Variants in DDX6 observed in about 807,000 individuals in gnomAD.
DDX6 encodes DEAD-box helicase 6, also known as probable ATP-dependent RNA helicase DDX6.
Under a neutral mutation model 60.6 loss-of-function variants are expected in DDX6, and 7 were observed. The observed-to-expected ratio is 0.12, with a 90% CI of 0.07 to 0.22. DDX6 has a LOEUF of 0.22. Among genes scored for constraint, DDX6 ranks in the 10% least tolerant of loss-of-function variants. The pLI, the probability that DDX6 is intolerant of heterozygous loss-of-function variation, is 1.00. For missense variants in DDX6, 270 were observed against 589.9 expected (o/e 0.46, Z 5.62); for synonymous variants, 207 against 201.0 (o/e 1.03, Z -0.25).
intron 1 of DDX6, chr11:118,786,904 C>T (rs887667775): frequency 3.3e-5 from 5 of 152,178 alleles, no homozygotes; most frequent in African/African-American, 1.2e-4. Context: ...AAGTATCACA[C>T]AATTTAAACA....
chr11:118,762,136 G>A (rs1394781275), intron 7 of DDX6, among the ~76,000 whole-genome samples: 2 of 151,588 alleles, frequency 1.3e-5, no homozygotes, highest in Admixed American at 6.6e-5. Context: ...TTAGCTGAGC[G>A]TGGGTGGTAC....
intron 7 of DDX6, among the ~76,000 whole-genome samples, chr11:118,761,267 C>T (rs898852840): frequency 7.2e-5 from 11 of 152,178 alleles, no homozygotes; most frequent in African/African-American, 2.7e-4. Flanking sequence ...AATTGTAAAA[C>T]TATTAAAATT....
intron 8 of DDX6, 49 bp downstream of exon 8, chr11:118,759,873 C>G: frequency 6.4e-7 from 1 of 1,570,386 alleles, no homozygotes; most frequent in Non-Finnish European, 8.6e-7. Context: ...TAAAAGCATA[C>G]TCAAAGGTCA....
Position 118,768,373 on chromosome 11 carries a change from C to A in DDX6, c.370-21G>T, listed in dbSNP as rs556754039. The A allele has an allele frequency of 1.5e-5, 24 of 1,610,164 alleles. No homozygotes were observed. In the African/African-American group the frequency reaches 2.8e-4, roughly 19 times the overall value. On this transcript the variant is annotated intron_variant, in intron 4 of 13. Coordinates refer to ENST00000534980, the MANE Select transcript of DDX6 (RefSeq NM_004397.6). ...TCCTCCTAAAAGAGATAAGACAATACAAAATTACTTCTGAATGTAGTACAC... is the reference window on the plus strand; with the variant it reads ...TCCTCCTAAAAGAGATAAGACAATAAAAAATTACTTCTGAATGTAGTACAC...
At chr11:118,773,047 C>A (rs1861586884) in intron 4 of DDX6, among the ~76,000 whole-genome samples, 1 of 152,180 alleles carries the variant, frequency 6.6e-6, no homozygotes, top group African/African-American at 2.4e-5. Flanking sequence ...CCTTCTCAAT[C>A]TTGTGAATTC....
rs932048029 is a variant in DDX6, at chr11:118,749,957, G to A, written c.*2148C>T. ...CAGTTCTTGCTACAGTTGTTAAGGA[G>A]TTAGGGCTATGTCCCATCAGGAGGC... On this transcript the variant is annotated 3_prime_UTR_variant, in exon 14 of 14. Transcript: ENST00000534980. The A allele has an allele frequency of 6.6e-6, 1 of 152,582 alleles. No homozygotes were observed. The highest frequency in any genetic ancestry group is 6.5e-5 in the Admixed American group (1 of 15,276). The allele number at this position is 152,582 out of a possible 1,614,324, so 9.5% of individuals were successfully genotyped here.
At chr11:118,787,659 A>G (rs1862121910) in intron 1 of DDX6, 1 of 152,190 alleles carries the variant, frequency 6.6e-6, no homozygotes, top group East Asian at 1.9e-4. Context: ...AACTTTAAGA[A>G]GAAAAATGTA....
At chr11:118,771,567 T>G (rs1861535937) in intron 4 of DDX6, among the ~76,000 whole-genome samples, 1 of 152,162 alleles carries the variant, frequency 6.6e-6, no homozygotes, top group Non-Finnish European at 1.5e-5. Flanking sequence ...TCAAGTCAAG[T>G]TCAAAAAGCT....
rs1276508733 is a variant in DDX6, at chr11:118,764,835, C to CACACACACACACACACAG, written c.646+373_646+374insCTGTGTGTGTGTGTGTGT. Among the ~76,000 whole-genome samples the CACACACACACACACACAG allele has an allele frequency of 4.3e-3, 652 of 150,422 alleles. 2 individuals are homozygous for CACACACACACACACACAG. Among genetic ancestry groups the CACACACACACACACACAG allele is most frequent in the African/African-American group, 0.015 (626 of 40,692 alleles). ...AAAAAAAAATATACACACACACACA[C>CACACACACACACACACAG]ACATTATATATACATTTATAATTTT... is the stretch of plus-strand genomic sequence containing the variant. On this transcript the variant is annotated intron_variant, in intron 6 of 13. Coordinates refer to ENST00000534980, the MANE Select transcript of DDX6 (RefSeq NM_004397.6).
intron 13 of DDX6, among the ~76,000 whole-genome samples, chr11:118,753,743 A>G (rs147950392): frequency 5.1e-4 from 77 of 152,290 alleles, no homozygotes; most frequent in African/African-American, 1.7e-3. Flanking sequence ...ACTTACTAGA[A>G]ATTAAGAGTA....
At chr11:118,767,448 CTA>C (rs1555161456) in intron 5 of DDX6, among the ~76,000 whole-genome samples, 1 of 152,078 alleles carries the variant, frequency 6.6e-6, no homozygotes, top group African/African-American at 2.4e-5. Context: ...TTGAATATAA[CTA>C]TGAAAATTTT....
chr11:118,765,050 T>C (rs1555161027), intron 6 of DDX6, among the ~76,000 whole-genome samples, 159 bp downstream of exon 6: 1 of 152,222 alleles, frequency 6.6e-6, no homozygotes, highest in African/African-American at 2.4e-5. Context: ...TTTTCAATTA[T>C]GGTAATTTGT....
chr11:118,753,182 C>A (rs1185381957), intron 13 of DDX6, among the ~76,000 whole-genome samples: 7 of 151,990 alleles, frequency 4.6e-5, no homozygotes, highest in Non-Finnish European at 1.0e-4. Context: ...GCGCCCGCCA[C>A]CATGCCTGGC....
intron 3 of DDX6, among the ~76,000 whole-genome samples, chr11:118,780,872 A>G (rs1369576499): frequency 3.3e-5 from 5 of 152,210 alleles, no homozygotes; most frequent in Admixed American, 2.6e-4. Context: ...ACAAATTGCT[A>G]AATGCCCCCG....
At chr11:118,778,870 G>A (rs908725267) in intron 4 of DDX6, among the ~76,000 whole-genome samples, 1 of 152,006 alleles carries the variant, frequency 6.6e-6, no homozygotes, top group Non-Finnish European at 1.5e-5. Context: ...ATCCCAAAAC[G>A]GGAAATGTAC....
intron 2 of DDX6, among the ~76,000 whole-genome samples, chr11:118,782,244 T>C (rs543390850): frequency 6.6e-6 from 1 of 152,332 alleles, no homozygotes; most frequent in African/African-American, 2.4e-5. Context: ...CTCAGCACAG[T>C]GCCTGGCAAA....
chr11:118,769,175 T>C (rs782356437), intron 4 of DDX6, among the ~76,000 whole-genome samples: 1 of 151,924 alleles, frequency 6.6e-6, no homozygotes, highest in East Asian at 1.9e-4. Context: ...GGTAAGACTA[T>C]ATATATTTTG....
chr11:118,768,150 A>G, intron 5 of DDX6, 73 bp downstream of exon 5: 1 of 1,342,690 alleles, frequency 7.4e-7, no homozygotes, highest in Non-Finnish European at 1.0e-6. Flanking sequence ...CTAAAAAAAG[A>G]GTATCTTCTA....
At chr11:118,755,617 A>G in intron 11 of DDX6, 114 bp from the exon 12 acceptor site, 1 of 632,882 alleles carries the variant, frequency 1.6e-6, no homozygotes, top group East Asian at 2.7e-5. Flanking sequence ...AGTTATTCAA[A>G]TGCATTTGCA....
Sources: allele counts gnomAD v4.1 joint callset (sites outside exome capture counted in the v4.1 genomes callset), GRCh38; gene constraint gnomAD v4.1.1; transcripts MANE v1.5; gene names NCBI Gene and HGNC (gene_info 2026-07-23, HGNC 2026-07-21).